The following NAV3 variants were observed in gnomAD, a reference collection of about 807,000 sequenced individuals.
The protein encoded by NAV3 is neuron navigator 3.
Under a neutral mutation model 244.7 loss-of-function variants are expected in NAV3, and 87 were observed. The observed-to-expected ratio is 0.36, with a 90% CI of 0.30 to 0.42. The LOEUF (loss-of-function observed/expected upper bound fraction) is 0.42. Ranked by LOEUF, NAV3 falls within the 20% of genes least tolerant of loss-of-function variation. The pLI, the probability that NAV3 is intolerant of heterozygous loss-of-function variation, is 1.00. For synonymous variants in NAV3, 1,126 were observed against 1,042.2 expected (o/e 1.08, Z -1.55); for missense variants, 2,663 against 2,893.3 (o/e 0.92, Z 1.83).
intron 7 of NAV3, among the ~76,000 whole-genome samples, chr12:78,003,742 T>A (rs1483442667): frequency 2.0e-5 from 3 of 152,256 alleles, no homozygotes; most frequent in Non-Finnish European, 4.4e-5. Context: ...TGTTCCCAAG[T>A]CATCAATATT....
chr12:77,574,270 T>A (rs1473894004), intron 2 of NAV3, among the ~76,000 whole-genome samples: 1 of 152,110 alleles, frequency 6.6e-6, no homozygotes, highest in Non-Finnish European at 1.5e-5. Context: ...ATATGTAAGA[T>A]CTGCAAATAA....
intron 7 of NAV3, among the ~76,000 whole-genome samples, chr12:78,002,089 A>C (rs543919030): frequency 6.6e-6 from 1 of 152,336 alleles, no homozygotes; most frequent in South Asian, 2.1e-4. Context: ...TGCCTGAAGC[A>C]AGTTACCTTA....
chr12:78,124,907 A>G (rs1955840444), intron 16 of NAV3, among the ~76,000 whole-genome samples: 1 of 152,246 alleles, frequency 6.6e-6, no homozygotes, highest in African/African-American at 2.4e-5. Context: ...TGTAAAAAGT[A>G]CATGTTAACT....
intron 2 of NAV3, among the ~76,000 whole-genome samples, chr12:77,662,262 T>TATCC (rs1873495924): frequency 2.6e-5 from 4 of 151,834 alleles, no homozygotes; most frequent in Admixed American, 2.6e-4. Flanking sequence ...TCTATCTATC[T>TATCC]ATATCTCACC....
At chr12:77,913,524 T>G (rs1237899489) in intron 1 of NAV3, among the ~76,000 whole-genome samples, 2 of 152,036 alleles carry the variant, frequency 1.3e-5, no homozygotes, top group African/African-American at 4.8e-5. Flanking sequence ...CCTCCCGTAC[T>G]AGGCATTACT....
At chr12:77,867,918 T>C (rs1880329327) in intron 1 of NAV3, among the ~76,000 whole-genome samples, 1 of 152,170 alleles carries the variant, frequency 6.6e-6, no homozygotes, top group Non-Finnish European at 1.5e-5. Flanking sequence ...CCCTCAAGTA[T>C]GGACAAATCT....
intron 31 of NAV3, among the ~76,000 whole-genome samples, chr12:78,187,182 C>G (rs1270693533): frequency 6.6e-6 from 1 of 151,908 alleles, no homozygotes; most frequent in Non-Finnish European, 1.5e-5. Context: ...GATTCTAACT[C>G]AGATTATACC....
At chr12:78,177,034 T>TA in intron 26 of NAV3, 107 bp from the exon 27 acceptor site, 1 of 1,053,078 alleles carries the variant, frequency 9.5e-7, no homozygotes, top group South Asian at 1.3e-5. Flanking sequence ...TGCTTGTACA[T>TA]ACTGACCCCA....
chr12:78,199,092 C>G (rs1959331336), intron 36 of NAV3: 1 of 603,462 alleles, frequency 1.7e-6, no homozygotes, highest in Non-Finnish European at 3.1e-6. Context: ...TAGACTCCCA[C>G]TCACTTCTGA....
At chr12:78,024,515 T>C (rs1323565714) in intron 9 of NAV3, among the ~76,000 whole-genome samples, 1 of 152,168 alleles carries the variant, frequency 6.6e-6, no homozygotes, top group Non-Finnish European at 1.5e-5. Context: ...GAAAAGTTCA[T>C]GAACCACTGT....
In NAV3 at chr12:78,188,604, T is replaced by C. The variant is rs747568398; in HGVS notation, c.5887-5T>C. On this transcript the variant is annotated splice_polypyrimidine_tract_variant and splice_region_variant and intron_variant, in intron 32 of 39. Coordinates refer to ENST00000397909, the MANE Select transcript of NAV3 (RefSeq NM_001024383.2). ...TGATTTTATTTTTTGTGTGTACCAT[T>C]GTAGGAATATGTATTCCGAATTGAT... 3.1e-6 allele frequency: 5 copies of C among 1,608,996 alleles called. No homozygotes were observed. In the Admixed American group the frequency reaches 8.4e-5, roughly 27 times the overall value.
chr12:77,578,405 G>A (rs1869196333), intron 2 of NAV3, among the ~76,000 whole-genome samples: 1 of 152,094 alleles, frequency 6.6e-6, no homozygotes, highest in African/African-American at 2.4e-5. Flanking sequence ...TCAATGAAGT[G>A]GCCTTTAGTT....
At position 77,805,217 on chromosome 12, in the gene NAV3, G is replaced by C. The variant is rs140133593; in HGVS notation, c.73-135102G>C. ...TCCAATACTATTTTGAATAGGAGTG[G>C]TGAGAGAGGGCGTCCTTTTCTTGTG... is the stretch of plus-strand genomic sequence containing the variant. On this transcript the variant is annotated intron_variant, in intron 2 of 8. Coordinates refer to the NAV3 transcript ENST00000550042. Among the ~76,000 whole-genome samples the C allele has an allele frequency of 2.3e-3, 346 of 152,298 alleles. 2 individuals carry two copies. Among genetic ancestry groups the C allele is most frequent in the African/African-American group, 7.9e-3 (330 of 41,554 alleles).
chr12:77,673,607 G>C (rs1874084126), intron 2 of NAV3, among the ~76,000 whole-genome samples: 1 of 151,910 alleles, frequency 6.6e-6, no homozygotes, highest in Non-Finnish European at 1.5e-5. Context: ...ATGACATCAA[G>C]TTCATTTGAA....
intron 3 of NAV3, among the ~76,000 whole-genome samples, chr12:77,951,981 T>C (rs571808830): frequency 5.9e-5 from 9 of 151,434 alleles, no homozygotes; most frequent in African/African-American, 2.2e-4. Flanking sequence ...GATGAGTTAA[T>C]GGGTGCAGCA....
Position 77,963,351 on chromosome 12 carries a change from C to T in NAV3, c.415-2878C>T, listed in dbSNP as rs189672052. 2.0e-5 allele frequency among the ~76,000 whole-genome samples: 3 copies of T among 152,116 alleles called. No homozygotes were observed. In the East Asian group the frequency reaches 5.8e-4, roughly 29 times the overall value. On this transcript the variant is annotated intron_variant, in intron 3 of 39. Transcript: ENST00000397909. ...TCCACTCAAATTATCTTAAAGTATG[C>T]CTCTGGTGAGAAAGTGACCATATAA...
chr12:77,590,569 T>G (rs150818083), intron 2 of NAV3, among the ~76,000 whole-genome samples: 78 of 152,292 alleles, frequency 5.1e-4, no homozygotes, highest in Middle Eastern at 3.4e-3. Context: ...GGTACTAGGC[T>G]TAATACCTGA....
chr12:77,619,442 G>A lies in NAV3; in HGVS notation c.72+47176G>A, dbSNP rs114597369. On this transcript the variant is annotated intron_variant, in intron 2 of 8. Coordinates refer to the NAV3 transcript ENST00000550042. ...ACAATTGCATTTCATTTTTCCATTT[G>A]CGTTGACAATTTTCTCTATTGGTAA... Among the ~76,000 whole-genome samples the A allele has an allele frequency of 4.6e-3, 695 of 152,138 alleles. 9 individuals are homozygous for A. Among genetic ancestry groups the A allele is most frequent in the African/African-American group, 0.016 (657 of 41,502 alleles).
At chr12:77,780,707 T>A (rs1192672173) in intron 2 of NAV3, among the ~76,000 whole-genome samples, 1 of 152,142 alleles carries the variant, frequency 6.6e-6, no homozygotes, top group Non-Finnish European at 1.5e-5. Context: ...AAAAGATGGT[T>A]CCCAGGCCCT....
Sources: gnomAD v4.1 joint callset for allele counts (sites outside exome capture counted in the v4.1 genomes callset) on GRCh38, gnomAD v4.1.1 for gene constraint, MANE v1.5 for transcripts, NCBI Gene and HGNC (gene_info 2026-07-23, HGNC 2026-07-21) for gene names.